Variants in DNAJC1 observed in about 807,000 individuals in gnomAD.
The protein encoded by DNAJC1 is DnaJ heat shock protein family (Hsp40) member C1.
In DNAJC1, 58 loss-of-function variants were observed where a neutral mutation model predicts 76.6. That is an observed-to-expected ratio of 0.76 (90% CI 0.61 to 0.94). The LOEUF (loss-of-function observed/expected upper bound fraction) is 0.94, where lower values mean the gene tolerates loss of function less well. Among genes scored for constraint, DNAJC1 ranks in the 40% least tolerant of loss-of-function variants. DNAJC1 has a pLI of 0.00. For missense variants in DNAJC1, 689 were observed against 677.3 expected (o/e 1.02, Z -0.19); for synonymous variants, 258 against 267.9 (o/e 0.96, Z 0.36).
chr10:21,978,573 C>G (rs1838101391), intron 1 of DNAJC1, among the ~76,000 whole-genome samples: 1 of 152,066 alleles, frequency 6.6e-6, no homozygotes, highest in Non-Finnish European at 1.5e-5. Context: ...TCTTCCAATA[C>G]TATCAAATTA....
At chr10:21,849,029 C>A (rs1329104236) in intron 8 of DNAJC1, among the ~76,000 whole-genome samples, 1 of 152,060 alleles carries the variant, frequency 6.6e-6, no homozygotes, top group African/African-American at 2.4e-5. Flanking sequence ...GTGGCTCAAG[C>A]CTGTAATCCC....
chr10:21,800,188 C>T (rs1199594967), intron 9 of DNAJC1, among the ~76,000 whole-genome samples: 1 of 152,138 alleles, frequency 6.6e-6, no homozygotes, highest in Admixed American at 6.6e-5. Context: ...ACCCCTTGTA[C>T]CAAGTCTCTG....
At chr10:21,977,994 G>C (rs1326708654) in intron 1 of DNAJC1, among the ~76,000 whole-genome samples, 19 of 152,052 alleles carry the variant, frequency 1.2e-4, no homozygotes, top group Admixed American at 1.2e-3. Context: ...ACAGCAAAAA[G>C]TTTTTTAACA....
intron 8 of DNAJC1, among the ~76,000 whole-genome samples, chr10:21,866,357 T>C (rs952056623): frequency 6.6e-6 from 1 of 151,674 alleles, no homozygotes; most frequent in Non-Finnish European, 1.5e-5. Flanking sequence ...TGGAAAAATA[T>C]ATAACATGCA....
chr10:21,835,249 G>C (rs1177855388), intron 8 of DNAJC1, among the ~76,000 whole-genome samples: 2 of 152,292 alleles, frequency 1.3e-5, no homozygotes, highest in East Asian at 3.9e-4. Flanking sequence ...AACTCCAACA[G>C]ACCTGCAGCT....
At chr10:21,904,661 CAAT>C in intron 6 of DNAJC1, 49 bp from the exon 7 acceptor site, 6 of 1,176,906 alleles carry the variant, frequency 5.1e-6, no homozygotes, top group Non-Finnish European at 7.4e-6. Context: ...CAGTGTGCTT[CAAT>C]AATATTTTCC....
At chr10:21,822,339 T>G (rs1835173740) in intron 8 of DNAJC1, among the ~76,000 whole-genome samples, 1 of 152,012 alleles carries the variant, frequency 6.6e-6, no homozygotes, top group African/African-American at 2.4e-5. Flanking sequence ...CACAGGAGGC[T>G]GAGGCAGAAG....
chr10:21,821,284 G>A (rs1835154984), intron 8 of DNAJC1, among the ~76,000 whole-genome samples: 1 of 152,088 alleles, frequency 6.6e-6, no homozygotes, highest in Non-Finnish European at 1.5e-5. Context: ...ACAAAGGAAT[G>A]TAACAACATC....
chr10:21,947,394 C>T (rs1200646438), intron 1 of DNAJC1, among the ~76,000 whole-genome samples: 2 of 152,070 alleles, frequency 1.3e-5, no homozygotes, highest in African/African-American at 2.4e-5. Flanking sequence ...CTTCTGCCTC[C>T]GCCATCCTTG....
chr10:21,868,102 C>A (rs1407029903), intron 8 of DNAJC1, among the ~76,000 whole-genome samples: 27 of 93,862 alleles, frequency 2.9e-4, no homozygotes, highest in East Asian at 8.3e-4. Context: ...AAAAAAAAAA[C>A]AACAACTGGA....
intron 1 of DNAJC1, among the ~76,000 whole-genome samples, chr10:21,935,938 T>C (rs1837305160): frequency 6.6e-6 from 1 of 152,278 alleles, no homozygotes. Context: ...ATATGCTTTA[T>C]AAGAAATGCT....
chr10:21,864,354 G>A lies in DNAJC1; in HGVS notation c.978+17928C>T, dbSNP rs548036075. On this transcript the variant is annotated intron_variant, in intron 8 of 11. Transcript: ENST00000376980. ...AAACTTCTAGAGGCCAGGTGCAGTG[G>A]CTCATGCCTGTAATCCCAGCACCCT... 8.3e-4 allele frequency among the ~76,000 whole-genome samples: 126 copies of A among 152,176 alleles called. 4 individuals are homozygous for A. The highest frequency in any genetic ancestry group is 2.9e-3 in the African/African-American group (121 of 41,478).
chr10:21,953,552 G>A (rs1049199496), intron 1 of DNAJC1, among the ~76,000 whole-genome samples: 6 of 151,640 alleles, frequency 4.0e-5, no homozygotes, highest in African/African-American at 1.4e-4. Context: ...AATATATTAT[G>A]TAAAATAATA....
intron 7 of DNAJC1, among the ~76,000 whole-genome samples, chr10:21,894,819 C>T (rs1836514605): frequency 6.6e-6 from 1 of 152,192 alleles, no homozygotes; most frequent in Admixed American, 6.5e-5. Flanking sequence ...AGGCTTCACA[C>T]AGCATGCTGT....
intron 3 of DNAJC1, among the ~76,000 whole-genome samples, chr10:21,921,423 C>T (rs1163217553): frequency 6.6e-6 from 1 of 151,998 alleles, no homozygotes; most frequent in African/African-American, 2.4e-5. Context: ...GCTTTTATGT[C>T]TACCCCTAAA....
intron 9 of DNAJC1, among the ~76,000 whole-genome samples, chr10:21,791,346 A>G (rs1834684527): frequency 6.6e-6 from 1 of 151,354 alleles, no homozygotes; most frequent in African/African-American, 2.5e-5. Context: ...ACAGGAAATC[A>G]ACAACAAGAA....
intron 8 of DNAJC1, among the ~76,000 whole-genome samples, chr10:21,854,258 A>T (rs1376474015): frequency 6.6e-6 from 1 of 151,846 alleles, no homozygotes; most frequent in Non-Finnish European, 1.5e-5. Flanking sequence ...CAGGGAAAAC[A>T]ACATAAAATA....
chr10:21,896,359 A>T (rs1836542454), intron 7 of DNAJC1, among the ~76,000 whole-genome samples: 1 of 152,210 alleles, frequency 6.6e-6, no homozygotes, highest in Non-Finnish European at 1.5e-5. Flanking sequence ...TGAAACACGA[A>T]GTCAAAGTTG....
chr10:21,892,681 G>T (rs887546354), intron 7 of DNAJC1, among the ~76,000 whole-genome samples: 1 of 151,700 alleles, frequency 6.6e-6, no homozygotes, highest in African/African-American at 2.4e-5. Context: ...AAAGTAAAAG[G>T]ATTGGAAAGA....
Sources: allele counts gnomAD v4.1 joint callset (sites outside exome capture counted in the v4.1 genomes callset), GRCh38; gene constraint gnomAD v4.1.1; transcripts MANE v1.5; gene names NCBI Gene and HGNC (gene_info 2026-07-23, HGNC 2026-07-21).